The following ROBO2 variants were observed in gnomAD, a reference collection of about 807,000 sequenced individuals.
ROBO2 encodes the protein roundabout homolog 2.
A neutral mutation model predicts 160.8 loss-of-function variants in ROBO2; 53 were observed. The observed-to-expected ratio is 0.33, with a 90% confidence interval of 0.26 to 0.41. ROBO2 has a LOEUF of 0.41. ROBO2 is among the 10% of genes least tolerant of loss of function. The pLI is 1.00. For missense variants in ROBO2, 1,577 were observed against 1,722.4 expected (o/e 0.92, Z 1.49); for synonymous variants, 664 against 611.7 (o/e 1.09, Z -1.26).
chr3:75,984,583 CAAAT>C (rs2065363012), intron 2 of ROBO2, among the ~76,000 whole-genome samples: 1 of 151,356 alleles, frequency 6.6e-6, no homozygotes, highest in Admixed American at 6.6e-5. Flanking sequence ...GGAATGAACA[CAAAT>C]AGCCCAATAG....
chr3:76,248,615 C>A (rs1281786876), intron 2 of ROBO2, among the ~76,000 whole-genome samples: 6 of 149,504 alleles, frequency 4.0e-5, no homozygotes, highest in African/African-American at 1.5e-4. Context: ...ACAATGTGCA[C>A]ATGTACCCTA....
At chr3:76,045,864 T>C (rs919881697) in intron 2 of ROBO2, among the ~76,000 whole-genome samples, 14 of 152,118 alleles carry the variant, frequency 9.2e-5, no homozygotes, top group African/African-American at 3.4e-4. Context: ...CATTTTTCAG[T>C]AGAAGAGTTT....
chr3:75,919,510 G>A (rs1576135759), intron 1 of ROBO2, among the ~76,000 whole-genome samples: 1 of 152,110 alleles, frequency 6.6e-6, no homozygotes, highest in East Asian at 1.9e-4. Flanking sequence ...TTTTTATTGG[G>A]TCTTTGCCAG....
intron 2 of ROBO2, among the ~76,000 whole-genome samples, chr3:76,071,619 T>G (rs1576736405): frequency 6.6e-6 from 1 of 152,280 alleles, no homozygotes; most frequent in Non-Finnish European, 1.5e-5. Context: ...CTTTGATTTC[T>G]GTGAGCATTG....
At chr3:76,994,082 C>CTTTT in intron 2 of ROBO2, among the ~76,000 whole-genome samples, 1 of 108,566 alleles carries the variant, frequency 9.2e-6, no homozygotes, top group Admixed American at 9.3e-5. Context: ...CAAAGATGTG[C>CTTTT]TTTTTTTGTT....
chr3:77,090,159 T>C (rs1387387855), intron 1 of ROBO2, among the ~76,000 whole-genome samples: 2 of 152,064 alleles, frequency 1.3e-5, no homozygotes, highest in Non-Finnish European at 2.9e-5. Flanking sequence ...CTATTGACTA[T>C]TGTCAATGGG....
chr3:77,354,151 C>T (rs556040816), intron 2 of ROBO2, among the ~76,000 whole-genome samples: 2 of 152,248 alleles, frequency 1.3e-5, no homozygotes, highest in East Asian at 1.9e-4. Flanking sequence ...TGAGAACCCC[C>T]AGAAGAGATA....
Position 76,466,229 on chromosome 3 carries a change from C to T in ROBO2, c.109+528627C>T, listed in dbSNP as rs1239761043. On this transcript the variant is annotated intron_variant, in intron 2 of 26. Coordinates refer to the ROBO2 transcript ENST00000487694. ...TCTTAGCATGGTAGAAAAATATATTCTGAATAAGCATTTATAATATTAATT... is the reference window on the plus strand; with the variant it reads ...TCTTAGCATGGTAGAAAAATATATTTTGAATAAGCATTTATAATATTAATT... Among the ~76,000 whole-genome samples, 5 of 151,638 alleles carry T rather than the reference C, an allele frequency of 3.3e-5. No homozygotes were observed. The South Asian group carries it at 8.3e-4, about 25-fold the overall frequency.
chr3:76,418,552 C>G (rs1264276979), intron 2 of ROBO2, among the ~76,000 whole-genome samples: 1 of 152,196 alleles, frequency 6.6e-6, no homozygotes, highest in Admixed American at 6.5e-5. Flanking sequence ...CAAATATTTT[C>G]TTTGCTTTTG....
chr3:76,468,406 A>T (rs1193775127), intron 2 of ROBO2, among the ~76,000 whole-genome samples: 1 of 151,918 alleles, frequency 6.6e-6, no homozygotes, highest in African/African-American at 2.4e-5. Flanking sequence ...CTTAAAGCAC[A>T]CTCTCCAATA....
chr3:77,396,877 T>G (rs1267362268), intron 2 of ROBO2, among the ~76,000 whole-genome samples: 3 of 152,122 alleles, frequency 2.0e-5, no homozygotes, highest in African/African-American at 7.2e-5. Flanking sequence ...AGTAGAACAA[T>G]TATTGTTTTT....
intron 2 of ROBO2, among the ~76,000 whole-genome samples, chr3:76,882,704 G>T (rs749557814): frequency 8.8e-4 from 133 of 151,998 alleles, no homozygotes; most frequent in Non-Finnish European, 1.7e-3. Flanking sequence ...GAATCTTACG[G>T]GGAAAACATT....
intron 2 of ROBO2, among the ~76,000 whole-genome samples, chr3:77,178,915 A>T (rs1231951464): frequency 6.6e-6 from 1 of 151,992 alleles, no homozygotes; most frequent in Non-Finnish European, 1.5e-5. Flanking sequence ...CATTAGTCTT[A>T]CTCGAGGCAG....
chr3:77,342,151 C>A (rs2067134395), intron 2 of ROBO2, among the ~76,000 whole-genome samples: 1 of 152,080 alleles, frequency 6.6e-6, no homozygotes, highest in Non-Finnish European at 1.5e-5. Context: ...GTGTTCTAAC[C>A]CTTTTCATGA....
In ROBO2 at chr3:76,014,785, G is replaced by A. The variant is rs577737766; in HGVS notation, c.109+77183G>A. On this transcript the variant is annotated intron_variant, in intron 2 of 26. Coordinates refer to the ROBO2 transcript ENST00000487694. Reference sequence around the variant, plus strand: ...CTACAAAATATTTTAAAAGTTGGCTGGGTGCAGTGGCACGTGCGTGTAGTC... The same window carrying A: ...CTACAAAATATTTTAAAAGTTGGCTAGGTGCAGTGGCACGTGCGTGTAGTC... 6.6e-5 allele frequency among the ~76,000 whole-genome samples: 10 copies of A among 152,286 alleles called. No homozygotes were observed. The East Asian group carries it at 1.9e-3, about 29-fold the overall frequency.
chr3:76,937,190 C>T (rs1463044184), intron 2 of ROBO2, among the ~76,000 whole-genome samples: 1 of 152,170 alleles, frequency 6.6e-6, no homozygotes, highest in East Asian at 1.9e-4. Flanking sequence ...AATTATATGG[C>T]TGTCCATAGA....
intron 2 of ROBO2, among the ~76,000 whole-genome samples, chr3:76,402,670 G>C (rs1204355877): frequency 6.6e-6 from 1 of 151,510 alleles, no homozygotes; most frequent in Non-Finnish European, 1.5e-5. Context: ...CTTTCTAACT[G>C]GCTGCAAAGT....
At chr3:77,176,104 C>T (rs912360751) in intron 2 of ROBO2, among the ~76,000 whole-genome samples, 3 of 151,132 alleles carry the variant, frequency 2.0e-5, no homozygotes, top group African/African-American at 7.3e-5. Flanking sequence ...AAGAAGAGCT[C>T]CAAAAGATTG....
chr3:76,572,288 A>G (rs1313741780), intron 2 of ROBO2, among the ~76,000 whole-genome samples: 1 of 152,172 alleles, frequency 6.6e-6, no homozygotes, highest in African/African-American at 2.4e-5. Context: ...CTGTGCATCC[A>G]GCTTCAGACC....
Sources: gnomAD v4.1 joint callset for allele counts (sites outside exome capture counted in the v4.1 genomes callset) on GRCh38, gnomAD v4.1.1 for gene constraint, MANE v1.5 for transcripts, NCBI Gene and HGNC (gene_info 2026-07-23, HGNC 2026-07-21) for gene names.